WIPF1: variants seen among roughly 807,000 people sequenced by gnomAD.
The protein encoded by WIPF1 is WAS/WASL-interacting protein family member 1.
A neutral mutation model predicts 35.4 loss-of-function variants in WIPF1; 13 were observed. The ratio of observed to expected loss-of-function variants is 0.37; its 90% CI spans 0.24 to 0.58. The LOEUF (loss-of-function observed/expected upper bound fraction) is 0.58. WIPF1 is among the 20% of genes least tolerant of loss of function. The pLI, the probability that WIPF1 is intolerant of heterozygous loss-of-function variation, is 0.74. For missense variants in WIPF1, 591 were observed against 667.0 expected, an observed-to-expected ratio of 0.89 and a Z score of 1.25; for synonymous variants, 267 against 266.3, an observed-to-expected ratio of 1.00 and a Z score of -0.02.
At chr2:174,589,792 C>T (rs369555880) in intron 1 of WIPF1, among the ~76,000 whole-genome samples, 14 of 152,354 alleles carry the variant, frequency 9.2e-5, no homozygotes, top group African/African-American at 3.1e-4. Flanking sequence ...CAATTTTCAA[C>T]ATGCTGGCAA....
At chr2:174,680,241 A>G (rs1222229243) in intron 1 of WIPF1, among the ~76,000 whole-genome samples, 1 of 152,236 alleles carries the variant, frequency 6.6e-6, no homozygotes, top group Non-Finnish European at 1.5e-5. Context: ...CACAGAGGAT[A>G]GCTATAACCT....
chr2:174,653,757 A>AG (rs1023498866), intron 1 of WIPF1, among the ~76,000 whole-genome samples: 1 of 151,612 alleles, frequency 6.6e-6, no homozygotes, highest in African/African-American at 2.4e-5. Context: ...AAAAAAAAAA[A>AG]AAAAAGAAAC....
At chr2:174,600,267 G>A (rs1685959724), upstream of WIPF1, among the ~76,000 whole-genome samples, 1 of 152,200 alleles carries the variant, frequency 6.6e-6, no homozygotes, top group Admixed American at 6.5e-5. Flanking sequence ...TAGTTGTGTA[G>A]TTTGAGTCTA....
At chr2:174,663,365 T>C (rs929198184) in intron 1 of WIPF1, among the ~76,000 whole-genome samples, 1 of 152,234 alleles carries the variant, frequency 6.6e-6, no homozygotes, top group Non-Finnish European at 1.5e-5. Context: ...TCAAAGCTCT[T>C]GGCTGATGTT....
In WIPF1 at chr2:174,571,653, A is replaced by G. The variant is rs150309949; in HGVS notation, c.1129+23T>C. The G allele has an allele frequency of 1.5e-5, 25 of 1,613,966 alleles. No homozygotes were observed. The Admixed American group carries it at 3.8e-4, about 25-fold the overall frequency. ...TTGGGCAGGCTGGGTTTTGGAAGCAACTCACTCCACGTCTTGTCATACCTG... is the reference window on the plus strand; with the variant it reads ...TTGGGCAGGCTGGGTTTTGGAAGCAGCTCACTCCACGTCTTGTCATACCTG... On this transcript the variant is annotated intron_variant, in intron 5 of 7. Coordinates refer to ENST00000679041, the MANE Select transcript of WIPF1 (RefSeq NM_001375834.1). The surrounding 1 kb of genome is among the most constrained non-coding windows in gnomAD (Gnocchi z 4.6).
intron 1 of WIPF1, among the ~76,000 whole-genome samples, chr2:174,594,804 G>C (rs1226673669): frequency 1.4e-5 from 1 of 73,060 alleles, no homozygotes; most frequent in Non-Finnish European, 3.6e-5. Context: ...ATAAGCAGAA[G>C]TGTCACCAAG....
chr2:174,634,329 T>C (rs1179425172), intron 1 of WIPF1, among the ~76,000 whole-genome samples: 2 of 152,214 alleles, frequency 1.3e-5, no homozygotes, highest in Non-Finnish European at 2.9e-5. Flanking sequence ...AGAATTTCAT[T>C]TTCACCATAA....
intron 4 of WIPF1, 187 bp downstream of exon 4, chr2:174,575,017 A>G (rs1685000548): frequency 4.7e-6 from 4 of 846,236 alleles, no homozygotes; most frequent in Non-Finnish European, 8.2e-6. Flanking sequence ...AGTTCTGTGT[A>G]GCTGTCTGAT....
Position 174,571,999 on chromosome 2 carries a change from G to A in WIPF1, c.806C>T (p.Pro269Leu). The A allele has an allele frequency of 1.3e-6, 2 of 1,548,978 alleles. No individual in the cohort carries two copies. The highest frequency in any genetic ancestry group is 8.7e-7 in the Non-Finnish European group (1 of 1,150,936). ...ALDDKPPPPPPPVGNRPSIHR... is the reference protein window; with the variant it reads ...ALDDKPPPPPLPVGNRPSIHR... ...GATGGAGGGCCTGTTGCCCACTGGA[G>A]GAGGTGGTGGAGGGGGTTTGTCATC... Residue 269 changes from proline (P) to leucine (L), a missense_variant, in exon 5 of 8, where the codon CCT becomes CTT. By Grantham distance (98) the Pro-to-Leu change is moderately conservative. This residue lies in a region of WIPF1 where 471 missense variants were observed against 501.1 expected (regional missense o/e 0.94). Transcript: ENST00000679041. The surrounding 1 kb of genome is among the most constrained non-coding windows in gnomAD (Gnocchi z 4.6).
chr2:174,676,009 T>A (rs1163749501), intron 1 of WIPF1, among the ~76,000 whole-genome samples: 1 of 150,584 alleles, frequency 6.6e-6, no homozygotes, highest in Non-Finnish European at 1.5e-5. Flanking sequence ...TGCAGTGGCA[T>A]GATCATGGCT....
At chr2:174,580,298 CG>C (rs1685194410) in intron 3 of WIPF1, among the ~76,000 whole-genome samples, 1 of 152,136 alleles carries the variant, frequency 6.6e-6, no homozygotes. Context: ...GCACTTTGCC[CG>C]GTAACAGAAC....
At chr2:174,631,401 T>A (rs1687015854) in intron 1 of WIPF1, among the ~76,000 whole-genome samples, 1 of 152,134 alleles carries the variant, frequency 6.6e-6, no homozygotes, top group South Asian at 2.1e-4. Context: ...TTATATGAGG[T>A]ACCTAGAAAA....
chr2:174,652,384 A>C (rs1234369970), intron 1 of WIPF1, among the ~76,000 whole-genome samples: 2 of 152,236 alleles, frequency 1.3e-5, no homozygotes, highest in Non-Finnish European at 2.9e-5. Context: ...ATATTTCTAG[A>C]AAATCAGCTT....
chr2:174,675,047 T>C (rs1475311223), intron 1 of WIPF1, among the ~76,000 whole-genome samples: 1 of 152,184 alleles, frequency 6.6e-6, no homozygotes, highest in East Asian at 1.9e-4. Flanking sequence ...GTGAGTTTTT[T>C]ATTCTGGAGA....
At chr2:174,682,725 C>A (rs1202617261) in intron 1 of WIPF1, 1 of 151,740 alleles carries the variant, frequency 6.6e-6, no homozygotes, top group Non-Finnish European at 1.5e-5. Context: ...CTCCCCCGGC[C>A]CCCGGGAGCC....
Position 174,562,297 on chromosome 2 carries a change from A to G in WIPF1, c.*250T>C, listed in dbSNP as rs995073055. On this transcript the variant is annotated 3_prime_UTR_variant, in exon 8 of 8. Coordinates refer to ENST00000679041, the MANE Select transcript of WIPF1 (RefSeq NM_001375834.1). The stretch of plus-strand genomic sequence containing the variant: ...TCTCTGCCTATTACGACAAAAGCCT[A>G]TCGACCCCAGCAGCCAGCACAGGCA... The G allele has an allele frequency of 6.6e-7, 1 of 1,510,414 alleles. No homozygotes were observed. Among genetic ancestry groups the G allele is most frequent in the African/African-American group, 1.4e-5 (1 of 72,136 alleles). 93.6% of individuals were successfully genotyped at this position (1,510,414 alleles called of 1,614,324 possible).
At chr2:174,605,288 C>G (rs1397668985) in intron 1 of WIPF1, among the ~76,000 whole-genome samples, 1 of 152,194 alleles carries the variant, frequency 6.6e-6, no homozygotes, top group East Asian at 1.9e-4. Context: ...CAAAAATTAG[C>G]TGGGCGTGGT....
chr2:174,560,644 G>A lies in WIPF1; in HGVS notation c.*1903C>T, dbSNP rs1366880732. On this transcript the variant is annotated 3_prime_UTR_variant, in exon 8 of 8. Transcript: ENST00000679041. The stretch of plus-strand genomic sequence containing the variant: ...CTTATTATTTCTTGATTCTCTTTGA[G>A]TAAAAAGCCCAAATGACTGTATGGA... 1 of 152,498 alleles carries A rather than the reference G, an allele frequency of 6.6e-6. No homozygotes were observed. Among genetic ancestry groups the A allele is most frequent in the East Asian group, 1.9e-4 (1 of 5,202 alleles). The allele number at this position is 152,498 out of a possible 1,614,324, so 9.4% of individuals were successfully genotyped here.
chr2:174,629,519 G>A (rs1202610478), intron 1 of WIPF1: 3 of 152,256 alleles, frequency 2.0e-5, no homozygotes, highest in African/African-American at 7.2e-5. Context: ...AGAGGCGAAA[G>A]TAGGGAGTGG....
Sources: gnomAD v4.1 joint callset for allele counts (sites outside exome capture counted in the v4.1 genomes callset) on GRCh38, gnomAD v4.1.1 for gene constraint, gnomAD v4.1.1 regional missense constraint, Gnocchi (gnomAD v3.1) non-coding constraint, MANE v1.5 for transcripts, NCBI Gene and HGNC (gene_info 2026-07-23, HGNC 2026-07-21) for gene names.